The following OPCML variants were observed in gnomAD, a reference collection of about 807,000 sequenced individuals.
OPCML encodes the protein opioid-binding protein/cell adhesion molecule.
Under a neutral mutation model 37.8 loss-of-function variants are expected in OPCML, and 13 were observed. The ratio of observed to expected loss-of-function variants is 0.34; its 90% CI spans 0.22 to 0.55. The LOEUF is 0.55. Ranked by LOEUF, OPCML falls within the 20% of genes least tolerant of loss-of-function variation. The pLI is 0.91. For missense variants in OPCML, 341 were observed against 435.6 expected, an observed-to-expected ratio of 0.78 and a Z score of 1.93; for synonymous variants, 176 against 168.8, an observed-to-expected ratio of 1.04 and a Z score of -0.33.
chr11:133,141,036 C>CGAAGAAGAAGAA (rs1478671540), intron 1 of OPCML, among the ~76,000 whole-genome samples: 3 of 6,598 alleles, frequency 4.5e-4, no homozygotes, highest in African/African-American at 8.5e-4. Context: ...ACGACGACGA[C>CGAAGAAGAAGAA]GACGACGACG....
At chr11:132,946,227 G>GC (rs1945742458) in intron 1 of OPCML, among the ~76,000 whole-genome samples, 1 of 152,136 alleles carries the variant, frequency 6.6e-6, no homozygotes, top group Admixed American at 6.5e-5. Context: ...TAACATGCAC[G>GC]GAGCTGTCAT....
At chr11:133,140,994 A>C (rs367980206) in intron 1 of OPCML, among the ~76,000 whole-genome samples, 761 of 4,042 alleles carry the variant, frequency 0.19, 255 homozygotes, top group African/African-American at 0.3. Context: ...AAGAAGAAGA[A>C]GAAGACGACG....
chr11:132,513,223 G>T (rs929114076), intron 4 of OPCML, among the ~76,000 whole-genome samples: 1 of 152,110 alleles, frequency 6.6e-6, no homozygotes, highest in African/African-American at 2.4e-5. Context: ...GAGGAAAGCA[G>T]ATAAGGGAAG....
intron 1 of OPCML, among the ~76,000 whole-genome samples, chr11:133,010,260 C>A (rs1022782455): frequency 6.6e-6 from 1 of 152,110 alleles, no homozygotes; most frequent in Non-Finnish European, 1.5e-5. Context: ...AAGAGGGCTG[C>A]CAGGGATCAG....
At chr11:133,144,177 G>T (rs1949864654) in intron 1 of OPCML, among the ~76,000 whole-genome samples, 1 of 151,954 alleles carries the variant, frequency 6.6e-6, no homozygotes. Context: ...AGAAAAACAG[G>T]GAAAAAACAG....
rs565378428 is a variant in OPCML at position 132,821,784 on chromosome 11, C to T, written c.146+121142G>A. Reference sequence around the variant, plus strand: ...CCTTCTTCCTTTCCTCCCCTTCCTCCCCTTCTCACCCCTCCCCACTAAATG... The same window carrying T: ...CCTTCTTCCTTTCCTCCCCTTCCTCTCCTTCTCACCCCTCCCCACTAAATG... On this transcript the variant is annotated intron_variant, in intron 2 of 7. Coordinates refer to ENST00000524381, the MANE Select transcript of OPCML (RefSeq NM_001012393.5). 2.6e-5 allele frequency among the ~76,000 whole-genome samples: 4 copies of T among 152,288 alleles called. No homozygotes were observed. The South Asian group carries it at 8.3e-4, about 32-fold the overall frequency.
intron 4 of OPCML, among the ~76,000 whole-genome samples, chr11:132,527,749 C>T (rs1162282714): frequency 6.6e-6 from 1 of 152,166 alleles, no homozygotes; most frequent in Non-Finnish European, 1.5e-5. Context: ...TTCCTAACCC[C>T]TGATTCCTCA....
At position 132,584,377 on chromosome 11, in the gene OPCML, C is replaced by T. The variant is rs118064380; in HGVS notation, c.380-55191G>A. 3.2e-4 allele frequency among the ~76,000 whole-genome samples: 49 copies of T among 152,232 alleles called. No individual in the cohort carries two copies. In the East Asian group the frequency reaches 8.3e-3, roughly 26 times the overall value. ...ATTTTTCACAATCCTATCCTCTTAA[C>T]AGTAGAGGGATATTTTAAGACCTAA... On this transcript the variant is annotated intron_variant, in intron 3 of 7. Coordinates refer to ENST00000524381, the MANE Select transcript of OPCML (RefSeq NM_001012393.5).
chr11:132,784,868 G>A (rs1465566080), intron 2 of OPCML, among the ~76,000 whole-genome samples: 1 of 152,184 alleles, frequency 6.6e-6, no homozygotes, highest in Non-Finnish European at 1.5e-5. Flanking sequence ...ACCAGAAGCA[G>A]ATGCTGGCAC....
chr11:133,098,654 G>T (rs1466301972), intron 1 of OPCML, among the ~76,000 whole-genome samples: 2 of 152,030 alleles, frequency 1.3e-5, no homozygotes, highest in African/African-American at 4.8e-5. Flanking sequence ...AGCAAACTAG[G>T]AATAGGAAGA....
chr11:133,082,957 G>A (rs1411735084), intron 1 of OPCML, among the ~76,000 whole-genome samples: 3 of 150,826 alleles, frequency 2.0e-5, no homozygotes, highest in Non-Finnish European at 4.4e-5. Context: ...GTGCCTCGCC[G>A]GGACCGCACC....
chr11:132,847,625 C>G (rs1941607894), intron 2 of OPCML, among the ~76,000 whole-genome samples: 1 of 152,194 alleles, frequency 6.6e-6, no homozygotes, highest in South Asian at 2.1e-4. Flanking sequence ...ATCTTCACAA[C>G]AAGTTTCTCA....
intron 1 of OPCML, among the ~76,000 whole-genome samples, chr11:133,435,356 A>G (rs1946212176): frequency 6.6e-6 from 1 of 152,210 alleles, no homozygotes; most frequent in Admixed American, 6.5e-5. Flanking sequence ...TTCCCATAGT[A>G]GGCCCACATT....
At chr11:132,950,260 G>T (rs1041964629) in intron 1 of OPCML, among the ~76,000 whole-genome samples, 1 of 152,212 alleles carries the variant, frequency 6.6e-6, no homozygotes, top group Non-Finnish European at 1.5e-5. Context: ...CAGAGGGCAA[G>T]ACAGGAGCAG....
intron 1 of OPCML, among the ~76,000 whole-genome samples, chr11:133,318,688 T>G (rs1311905992): frequency 6.6e-6 from 1 of 152,182 alleles, no homozygotes; most frequent in Admixed American, 6.5e-5. Flanking sequence ...CCTGTCGCAT[T>G]TAGTGCAGTA....
At chr11:133,081,262 C>T (rs755041442) in intron 1 of OPCML, among the ~76,000 whole-genome samples, 1 of 152,058 alleles carries the variant, frequency 6.6e-6, no homozygotes, top group African/African-American at 2.4e-5. Flanking sequence ...GTTAATTCTC[C>T]GTTTCCTTTG....
chr11:133,247,540 T>TTTCTTTCTTTC (rs1940971842), intron 1 of OPCML, among the ~76,000 whole-genome samples: 12 of 122,456 alleles, frequency 9.8e-5, no homozygotes, highest in African/African-American at 3.0e-4. Flanking sequence ...CTTTCCTTCT[T>TTTCTTTCTTTC]TTTCTTTCTT....
chr11:133,305,468 A>G (rs1298814670), intron 1 of OPCML, among the ~76,000 whole-genome samples: 4 of 152,252 alleles, frequency 2.6e-5, no homozygotes, highest in Admixed American at 2.6e-4. Context: ...AGGAAGTCTG[A>G]CTGTGAGAAT....
At chr11:133,404,247 G>T (rs10732871) in intron 1 of OPCML, among the ~76,000 whole-genome samples, 2 of 152,118 alleles carry the variant, frequency 1.3e-5, no homozygotes, top group African/African-American at 2.4e-5. Context: ...ACTGGATAAG[G>T]GTCCTCCCTA....
Sources: allele counts gnomAD v4.1 joint callset (sites outside exome capture counted in the v4.1 genomes callset), GRCh38; gene constraint gnomAD v4.1.1; transcripts MANE v1.5; gene names NCBI Gene and HGNC (gene_info 2026-07-23, HGNC 2026-07-21).